The following FARS2 variants were observed in gnomAD, a reference collection of about 807,000 sequenced individuals.
FARS2 encodes the protein phenylalanine--tRNA ligase, mitochondrial.
A neutral mutation model predicts 46.4 loss-of-function variants in FARS2; 40 were observed. The observed-to-expected ratio is 0.86, with a 90% CI of 0.67 to 1.12. The LOEUF is 1.12. Among genes scored for constraint, FARS2 ranks in the 50% most tolerant of loss-of-function variants. FARS2 has a pLI of 0.00. For missense variants in FARS2, 513 were observed against 567.9 expected (o/e 0.90, Z 0.98); for synonymous variants, 234 against 214.9 (o/e 1.09, Z -0.78).
intron 4 of FARS2, among the ~76,000 whole-genome samples, chr6:5,501,682 A>T (rs979789498): frequency 1.3e-5 from 2 of 151,926 alleles, no homozygotes; most frequent in Non-Finnish European, 2.9e-5. Context: ...TTTAGTAGAG[A>T]TGGGGTTTTG....
intron 1 of FARS2, among the ~76,000 whole-genome samples, chr6:5,353,361 A>G (rs1456473357): frequency 6.6e-6 from 1 of 152,234 alleles, no homozygotes; most frequent in African/African-American, 2.4e-5. Flanking sequence ...TGCAATAAAC[A>G]TGGGAGTGCA....
At chr6:5,473,505 C>T (rs1813778) in intron 4 of FARS2, among the ~76,000 whole-genome samples, 4,839 of 137,404 alleles carry the variant, frequency 0.035, 133 homozygotes, top group Non-Finnish European at 0.055. Flanking sequence ...CCAGCCTGGG[C>T]GACAGAGCGA....
chr6:5,520,941 C>T (rs1469190243), intron 4 of FARS2, among the ~76,000 whole-genome samples: 1 of 152,078 alleles, frequency 6.6e-6, no homozygotes, highest in Non-Finnish European at 1.5e-5. Context: ...ATGCTACCCC[C>T]AAAAGAATCA....
chr6:5,296,830 G>A (rs1767928794), intron 1 of FARS2, among the ~76,000 whole-genome samples: 1 of 152,178 alleles, frequency 6.6e-6, no homozygotes, highest in African/African-American at 2.4e-5. Context: ...TTCATCAGAG[G>A]ACACTTGGGT....
At position 5,545,329 on chromosome 6, in the gene FARS2, G is replaced by T. The variant is rs1360751755; in HGVS notation, c.1054G>T (p.Val352Leu). 5 of 1,613,274 alleles carry T rather than the reference G, an allele frequency of 3.1e-6. No homozygotes were observed. In the African/African-American group the frequency reaches 5.3e-5, roughly 17 times the overall value. The change falls in exon 5 of 7, where the codon GTG (valine) becomes TTG (leucine). Residue 352 changes from valine (V) to leucine (L), a missense_variant. By Grantham distance (32) the Val-to-Leu change is conservative. Transcript: ENST00000274680. ...CTGTGTATCCAACATTAATCAGAAGGTGAAGTTTCAGGTAAGATGACTTGC... is the reference window on the plus strand; with the variant it reads ...CTGTGTATCCAACATTAATCAGAAGTTGAAGTTTCAGGTAAGATGACTTGC... ...QFCVSNINQK[V>L]KFQPLSKYPA...
At chr6:5,368,195 G>GT (rs1334916699) in intron 1 of FARS2, among the ~76,000 whole-genome samples, 3 of 152,094 alleles carry the variant, frequency 2.0e-5, no homozygotes, top group African/African-American at 7.2e-5. Context: ...TCTCTCTGAA[G>GT]TTTTTTGGTT....
intron 1 of FARS2, among the ~76,000 whole-genome samples, chr6:5,358,563 G>A (rs1438791065): frequency 6.6e-6 from 1 of 152,114 alleles, no homozygotes; most frequent in East Asian, 1.9e-4. Context: ...TTTTTTCCCT[G>A]ATATGTTTTG....
intron 2 of FARS2, among the ~76,000 whole-genome samples, chr6:5,396,159 C>T (rs1043358742): frequency 2.6e-5 from 4 of 152,072 alleles, no homozygotes; most frequent in African/African-American, 9.7e-5. Context: ...CCAAGAGCTC[C>T]ATGTTGCATG....
chr6:5,429,938 T>C (rs1763067988), intron 3 of FARS2, among the ~76,000 whole-genome samples: 2 of 152,110 alleles, frequency 1.3e-5, no homozygotes, highest in African/African-American at 4.8e-5. Flanking sequence ...TTGCCTTTTT[T>C]TTTTTTCCCG....
At chr6:5,327,946 C>T (rs1477195963) in intron 1 of FARS2, among the ~76,000 whole-genome samples, 2 of 152,152 alleles carry the variant, frequency 1.3e-5, no homozygotes, top group African/African-American at 2.4e-5. Flanking sequence ...ATTGAAATGA[C>T]ATGCTGACTA....
intron 6 of FARS2, among the ~76,000 whole-genome samples, chr6:5,716,993 G>C (rs1378734804): frequency 3.3e-5 from 5 of 152,196 alleles, no homozygotes; most frequent in Non-Finnish European, 7.3e-5. Flanking sequence ...GACAAAAAGG[G>C]TGTGATCTAA....
chr6:5,315,764 T>TCTTCCTTTCTTTCTTTCTTTCTTCC (rs1232161052), intron 1 of FARS2, among the ~76,000 whole-genome samples: 1 of 152,030 alleles, frequency 6.6e-6, no homozygotes, highest in Non-Finnish European at 1.5e-5. Flanking sequence ...CTTTCTTTTT[T>TCTTCCTTTCTTTCTTTCTTTCTTCC]TTGGGGAGAA....
At chr6:5,405,814 A>G (rs2127721187) in intron 3 of FARS2, among the ~76,000 whole-genome samples, 1 of 152,258 alleles carries the variant, frequency 6.6e-6, no homozygotes, top group East Asian at 1.9e-4. Flanking sequence ...GTTCTTAACC[A>G]TGTGAATGAA....
chr6:5,553,785 G>C (rs968462404), intron 5 of FARS2, among the ~76,000 whole-genome samples: 1 of 152,136 alleles, frequency 6.6e-6, no homozygotes, highest in Non-Finnish European at 1.5e-5. Flanking sequence ...TGGGTCTGGG[G>C]GGGTGCCTGG....
At chr6:5,659,728 G>A (rs1777764772) in intron 6 of FARS2, among the ~76,000 whole-genome samples, 1 of 152,182 alleles carries the variant, frequency 6.6e-6, no homozygotes. Flanking sequence ...TTGCCTTCCA[G>A]TAATTTATAG....
intron 6 of FARS2, among the ~76,000 whole-genome samples, chr6:5,652,632 G>A (rs554494126): frequency 1.4e-4 from 22 of 152,356 alleles, no homozygotes; most frequent in Admixed American, 7.2e-4. Flanking sequence ...AACTTCCAGG[G>A]AAGGACAGAA....
chr6:5,501,772 G>C (rs1767815155), intron 4 of FARS2, among the ~76,000 whole-genome samples: 1 of 152,170 alleles, frequency 6.6e-6, no homozygotes. Flanking sequence ...TGGGATTACA[G>C]GTGTGAGCCA....
intron 5 of FARS2, among the ~76,000 whole-genome samples, chr6:5,554,732 C>T (rs532705128): frequency 7.2e-5 from 11 of 152,252 alleles, no homozygotes; most frequent in African/African-American, 2.4e-4. Flanking sequence ...ATTATAGATT[C>T]TGAAACTGAG....
intron 6 of FARS2, among the ~76,000 whole-genome samples, chr6:5,720,126 C>G (rs748884097): frequency 2.8e-4 from 42 of 152,100 alleles, no homozygotes; most frequent in Non-Finnish European, 5.4e-4. Flanking sequence ...AACAACACTG[C>G]TGCAATACCA....
Sources: gnomAD v4.1 joint callset for allele counts (sites outside exome capture counted in the v4.1 genomes callset) on GRCh38, gnomAD v4.1.1 for gene constraint, MANE v1.5 for transcripts, NCBI Gene and HGNC (gene_info 2026-07-23, HGNC 2026-07-21) for gene names.